The following EDA variants were observed in gnomAD, a reference collection of about 807,000 sequenced individuals.
EDA encodes ectodysplasin A.
EDA carries 2 observed loss-of-function variants against 23.6 expected under a neutral mutation model. The ratio of observed to expected loss-of-function variants is 0.08; its 90% CI spans 0.03 to 0.27. The LOEUF is 0.27. Among genes scored for constraint, EDA ranks in the 10% least tolerant of loss-of-function variants. The pLI is 1.00. For missense variants in EDA, 229 were observed against 324.2 expected (o/e 0.71, Z 2.26); for synonymous variants, 131 against 132.0 (o/e 0.99, Z 0.05).
rs769141538 is a variant in EDA at position 69,616,557 on chromosome X, C to G, written c.249C>G (p.Thr83=). 5.8e-6 allele frequency: 7 copies of G among 1,209,947 alleles called. No homozygotes were observed. The Admixed American group carries it at 1.5e-4, about 26-fold the overall frequency. Residue 83 remains threonine, a synonymous_variant, in exon 1 of 8, where the codon ACC becomes ACG. Coordinates refer to ENST00000374552, the MANE Select transcript of EDA (RefSeq NM_001399.5). ...GAESRLGGSG[T]PGTSGTLSSL... The stretch of plus-strand genomic sequence containing the variant: ...AGTCCCGCCTTGGCGGCTCGGGCAC[C>G]CCTGGCACCTCTGGCACCCTAAGCA...
At chrX:69,822,217 C>T (rs1267267775) in intron 1 of EDA, among the ~76,000 whole-genome samples, 1 of 110,635 alleles carries the variant, frequency 9.0e-6, no homozygotes. Context: ...CCAAGGAGTT[C>T]AGGGTTACAA....
chrX:69,787,620 C>A (rs192734248), intron 1 of EDA, among the ~76,000 whole-genome samples: 1 of 110,253 alleles, frequency 9.1e-6, no homozygotes, highest in African/African-American at 3.3e-5. Context: ...AATATTGGCC[C>A]CCACTCTCTT....
At chrX:69,808,331 C>T (rs2015863275) in intron 1 of EDA, among the ~76,000 whole-genome samples, 1 of 111,780 alleles carries the variant, frequency 8.9e-6, no homozygotes, top group South Asian at 3.8e-4. Context: ...AATCATGAAG[C>T]TTCCATTATC....
chrX:69,773,423 T>C (rs770608578), intron 1 of EDA, among the ~76,000 whole-genome samples: 8 of 112,007 alleles, frequency 7.1e-5, no homozygotes, highest in Non-Finnish European at 1.3e-4. Context: ...TTTGGCGATA[T>C]ACCTAGAAGT....
intron 1 of EDA, among the ~76,000 whole-genome samples, chrX:69,789,024 C>T (rs895690522): frequency 8.9e-6 from 1 of 112,450 alleles, no homozygotes; most frequent in Admixed American, 9.4e-5. Context: ...GTCGGAAAAG[C>T]GCAGTATTCG....
At chrX:69,677,310 G>C (rs1424093867) in intron 1 of EDA, among the ~76,000 whole-genome samples, 254 of 109,266 alleles carry the variant, frequency 2.3e-3, no homozygotes, top group African/African-American at 7.5e-3. Flanking sequence ...TGTCTTTATA[G>C]CAGCATGATT....
chrX:69,695,754 G>A lies in EDA; in HGVS notation c.396+79050G>A, dbSNP rs751950825. Among the ~76,000 whole-genome samples the A allele has an allele frequency of 1.8e-3, 191 of 108,377 alleles. 1 individual carries two copies. The highest frequency in any genetic ancestry group is 5.6e-3 in the African/African-American group (167 of 29,984). The allele number at this position is 108,377 out of a possible 115,157, so 94.1% of individuals were successfully genotyped here. A position where few individuals can be genotyped will look rare whatever the true frequency, so the allele number is the denominator to read the frequency against. On this transcript the variant is annotated intron_variant, in intron 1 of 7. Coordinates refer to ENST00000374552, the MANE Select transcript of EDA (RefSeq NM_001399.5). ...TGACCTTGTGATCCACCCGCCTCCC[G>A]CCTTGGCCTCCCAAAGTGCTGGGAT...
intron 1 of EDA, among the ~76,000 whole-genome samples, chrX:69,775,364 CTA>C (rs1349952577): frequency 1.8e-5 from 2 of 111,824 alleles, no homozygotes; most frequent in Non-Finnish European, 3.8e-5. Context: ...TTGAATTTCT[CTA>C]TTTCTCTATT....
At chrX:69,975,537 G>A (rs2019305857) in intron 2 of EDA, among the ~76,000 whole-genome samples, 1 of 110,739 alleles carries the variant, frequency 9.0e-6, no homozygotes, top group Non-Finnish European at 1.9e-5. Flanking sequence ...CTCACTATCT[G>A]GTGATGGAAT....
chrX:69,654,913 A>C (rs1381763566), intron 1 of EDA, among the ~76,000 whole-genome samples: 1 of 109,460 alleles, frequency 9.1e-6, no homozygotes, highest in Non-Finnish European at 1.9e-5. Flanking sequence ...AAACCTGCAC[A>C]TTGTGCACAT....
intron 2 of EDA, among the ~76,000 whole-genome samples, chrX:69,958,269 C>T (rs1173748083): frequency 1.8e-5 from 2 of 112,048 alleles, no homozygotes; most frequent in Non-Finnish European, 3.8e-5. Context: ...TCAAAGACAG[C>T]ATGTGTCTGG....
At chrX:69,917,210 A>G (rs2018359187) in intron 1 of EDA, among the ~76,000 whole-genome samples, 1 of 111,510 alleles carries the variant, frequency 9.0e-6, no homozygotes. Context: ...TGCTGGGATT[A>G]CAGGCATGAG....
At position 69,706,057 on chromosome X, in the gene EDA, CG is replaced by C. The variant is rs1017823221; in HGVS notation, c.396+89355del. ...TCTAATAAGAGTCCTGCCTTTCTTCCGGTGCAGAGACAGAGACAGCCTTATA... is the reference window on the plus strand; with the variant it reads ...TCTAATAAGAGTCCTGCCTTTCTTCCGTGCAGAGACAGAGACAGCCTTATA... On this transcript the variant is annotated intron_variant, in intron 1 of 7. Coordinates refer to ENST00000374552, the MANE Select transcript of EDA (RefSeq NM_001399.5). Among the ~76,000 whole-genome samples, 12 of 111,992 alleles carry C rather than the reference CG, an allele frequency of 1.1e-4. No individual in the cohort carries two copies. The Admixed American group carries it at 1.1e-3, about 11-fold the overall frequency.
At chrX:70,002,923 C>T (rs781746599) in intron 2 of EDA, among the ~76,000 whole-genome samples, 1 of 112,331 alleles carries the variant, frequency 8.9e-6, no homozygotes, top group African/African-American at 3.2e-5. Flanking sequence ...ATTCACTATA[C>T]AGAGTTCATT....
At chrX:69,829,495 G>A (rs777933219) in intron 1 of EDA, among the ~76,000 whole-genome samples, 6 of 112,534 alleles carry the variant, frequency 5.3e-5, no homozygotes, top group Middle Eastern at 4.6e-3. Context: ...GGAAAAAAAT[G>A]TTGTTGTAAT....
chrX:69,859,270 C>A (rs1347219686), intron 1 of EDA, among the ~76,000 whole-genome samples: 1 of 110,988 alleles, frequency 9.0e-6, no homozygotes, highest in East Asian at 2.8e-4. Flanking sequence ...TTGTTTTCTG[C>A]TAGCTTTGGG....
chrX:69,956,897 G>A, intron 1 of EDA, 130 bp from the exon 2 acceptor site: 1 of 548,933 alleles, frequency 1.8e-6, no homozygotes, highest in Non-Finnish European at 3.2e-6. Flanking sequence ...CAGTGGAGGG[G>A]AAGATGGGCT....
chrX:69,913,721 A>G (rs12687116), intron 1 of EDA, among the ~76,000 whole-genome samples: 10,618 of 112,076 alleles, frequency 0.095, 1,086 homozygotes, highest in East Asian at 0.71. Context: ...CTTTAAGCCT[A>G]TCTCGGCTTT....
intron 1 of EDA, among the ~76,000 whole-genome samples, chrX:69,853,783 G>A (rs918010410): frequency 5.3e-4 from 59 of 112,137 alleles, no homozygotes; most frequent in Non-Finnish European, 1.7e-4. Flanking sequence ...TGTAAAAAGC[G>A]CAATAATAAT....
Sources: allele counts gnomAD v4.1 joint callset (sites outside exome capture counted in the v4.1 genomes callset), GRCh38; gene constraint gnomAD v4.1.1; transcripts MANE v1.5; gene names NCBI Gene and HGNC (gene_info 2026-07-23, HGNC 2026-07-21).